KDM6A: variants seen among roughly 807,000 people sequenced by gnomAD.
KDM6A encodes lysine-specific demethylase 6A.
In KDM6A, 11 loss-of-function variants were observed where a neutral mutation model predicts 117.6. That is an observed-to-expected ratio of 0.09 (90% CI 0.06 to 0.15). KDM6A has a LOEUF of 0.15. Ranked by LOEUF, KDM6A falls within the 10% of genes least tolerant of loss-of-function variation. KDM6A has a pLI of 1.00. For synonymous variants in KDM6A, 384 were observed against 396.1 expected (o/e 0.97, Z 0.36); for missense variants, 799 against 1,077.3 (o/e 0.74, Z 3.62).
At chrX:45,012,624 A>T in intron 5 of KDM6A, among the ~76,000 whole-genome samples, 1 of 111,131 alleles carries the variant, frequency 9.0e-6, no homozygotes, top group East Asian at 2.8e-4. Context: ...AAATGTTACA[A>T]CTCTGTCATA....
In KDM6A at chrX:45,112,432, C is replaced by T. The variant is rs1376345280; in HGVS notation, c.*1021C>T. On this transcript the variant is annotated 3_prime_UTR_variant, in exon 30 of 30. Coordinates refer to ENST00000611820, the MANE Select transcript of KDM6A (RefSeq NM_001291415.2). ...TAAATTTTTCTCGTTTTAAGTTTCA[C>T]ATCTATGGTAGATTTTTGAGGTGTC... The T allele has an allele frequency of 1.5e-5, 2 of 135,847 alleles. No homozygotes were observed. The highest frequency in any genetic ancestry group is 1.2e-4 in the East Asian group (1 of 8,256). 11.2% of individuals were successfully genotyped at this position (135,847 alleles called of 1,213,427 possible).
At chrX:45,058,741 T>C (rs1259860060) in intron 10 of KDM6A, among the ~76,000 whole-genome samples, 1 of 111,090 alleles carries the variant, frequency 9.0e-6, no homozygotes, top group Non-Finnish European at 1.9e-5. Flanking sequence ...TGAAGTGATA[T>C]GTCCCCTAAT....
rs751281208 is a variant in KDM6A, at chrX:45,040,371, G to A, written c.654+2682G>A. Among the ~76,000 whole-genome samples the A allele has an allele frequency of 6.5e-5, 6 of 91,854 alleles. No individual in the cohort carries two copies. In the South Asian group the frequency reaches 3.0e-3, roughly 46 times the overall value. 79.8% of individuals were successfully genotyped at this position (91,854 alleles called of 115,157 possible). On this transcript the variant is annotated intron_variant, in intron 8 of 29. Transcript: ENST00000611820. ...CGGGCAGAGGCCCCCCTCACCTCCC[G>A]GACAGGGCGGCTGGCCAGGCGGGGG...
At position 45,069,768 on chromosome X, in the gene KDM6A, A is replaced by G. The variant is rs2148039825; in HGVS notation, c.2269A>G (p.Thr757Ala). 2.5e-6 allele frequency: 3 copies of G among 1,210,263 alleles called. No homozygotes were observed. Among genetic ancestry groups the G allele is most frequent in the Non-Finnish European group, 3.4e-6 (3 of 894,664 alleles). ...CAATCACCTCTCCTCTCACACTGCT[A>G]CCTCAGGTGGACAACAAGGCATTAC... ...ALNHLSSHTA[T>A]SGGQQGITLT... Residue 757 changes from threonine to alanine, a missense_variant, in exon 18 of 30, where the codon ACC becomes GCC. Thr to Ala is a moderately conservative substitution (Grantham distance 58). Transcript: ENST00000611820.
At chrX:45,007,197 C>T (rs989287422) in intron 4 of KDM6A, among the ~76,000 whole-genome samples, 9 of 111,567 alleles carry the variant, frequency 8.1e-5, no homozygotes, top group African/African-American at 1.6e-4. Context: ...GTTTTAAGAA[C>T]GCCAAAGCTT....
At chrX:45,035,025 C>T (rs751075354) in intron 7 of KDM6A, 40 bp downstream of exon 7, 5 of 971,139 alleles carry the variant, frequency 5.1e-6, no homozygotes, top group South Asian at 1.9e-5. Flanking sequence ...ACATGTATTC[C>T]GATCACTTCA....
intron 8 of KDM6A, 52 bp downstream of exon 8, chrX:45,037,741 C>A (rs2147795379): frequency 1.1e-6 from 1 of 926,134 alleles, no homozygotes; most frequent in Non-Finnish European, 1.6e-6. Context: ...AAAATCATTA[C>A]TCCTATCATG....
At chrX:45,056,394 A>G (rs748646608) in intron 10 of KDM6A, among the ~76,000 whole-genome samples, 35 of 112,065 alleles carry the variant, frequency 3.1e-4, no homozygotes, top group Non-Finnish European at 6.0e-4. Flanking sequence ...TAGGATTTCT[A>G]TTAACCTCTG....
At chrX:44,920,295 C>T (rs865860936) in intron 2 of KDM6A, among the ~76,000 whole-genome samples, 25 of 111,286 alleles carry the variant, frequency 2.2e-4, no homozygotes, top group African/African-American at 7.5e-4. Context: ...TTTATTATAG[C>T]CTCTTGATGG....
chrX:45,061,107 T>G (rs1269064129), intron 14 of KDM6A, among the ~76,000 whole-genome samples: 1 of 111,099 alleles, frequency 9.0e-6, no homozygotes, highest in Non-Finnish European at 1.9e-5. Context: ...GGGTGGGCCT[T>G]TTTGGGTGGC....
chrX:44,922,530 G>A (rs970960228), intron 2 of KDM6A, among the ~76,000 whole-genome samples: 3 of 111,679 alleles, frequency 2.7e-5, no homozygotes, highest in Admixed American at 9.5e-5. Context: ...GTGCAGTGGC[G>A]TGATCTCGGC....
At chrX:45,007,180 C>T (rs1272349241) in intron 4 of KDM6A, among the ~76,000 whole-genome samples, 2 of 111,377 alleles carry the variant, frequency 1.8e-5, no homozygotes, top group East Asian at 2.8e-4. Flanking sequence ...CTGCTTATTA[C>T]GAGTATGTTT....
rs1447445184 is a variant in KDM6A, at chrX:45,112,350, G to A, written c.*939G>A. The A allele has an allele frequency of 7.9e-6, 1 of 126,935 alleles. No homozygotes were observed. Among genetic ancestry groups the A allele is most frequent in the Non-Finnish European group, 1.6e-5 (1 of 63,209 alleles). The allele number at this position is 126,935 out of a possible 1,213,427, so 10.5% of individuals were successfully genotyped here. On this transcript the variant is annotated 3_prime_UTR_variant, in exon 30 of 30. Coordinates refer to ENST00000611820, the MANE Select transcript of KDM6A (RefSeq NM_001291415.2). ...TTATATATATTTTATATATACTTATGTATGTATATATAATATATATAGAAA... is the reference window on the plus strand; with the variant it reads ...TTATATATATTTTATATATACTTATATATGTATATATAATATATATAGAAA...
At position 45,107,626 on chromosome X, in the gene KDM6A, AC is replaced by A. The variant is rs2046579610; in HGVS notation, c.4161+91del. On this transcript the variant is annotated intron_variant, in intron 28 of 29. Transcript: ENST00000611820. ...CTTTATTTTTAAAAAACTTTTTTATACTTTTATGTAATCCAGTTTATAGTAA... is the reference window on the plus strand; with the variant it reads ...CTTTATTTTTAAAAAACTTTTTTATATTTTATGTAATCCAGTTTATAGTAA... The A allele has an allele frequency of 2.1e-5, 19 of 917,532 alleles. No homozygotes were observed. In the South Asian group the frequency reaches 3.8e-4, roughly 18 times the overall value. 75.6% of individuals were successfully genotyped at this position (917,532 alleles called of 1,213,427 possible). A position where few individuals can be genotyped will look rare whatever the true frequency, so the allele number is the denominator to read the frequency against.
intron 6 of KDM6A, among the ~76,000 whole-genome samples, chrX:45,022,217 T>C (rs1382001784): frequency 1.8e-5 from 2 of 112,247 alleles, no homozygotes; most frequent in Non-Finnish European, 3.8e-5. Flanking sequence ...TAAATGAAAG[T>C]GGCGATATTT....
intron 27 of KDM6A, among the ~76,000 whole-genome samples, chrX:45,098,699 T>G (rs954660050): frequency 4.5e-5 from 5 of 112,199 alleles, no homozygotes; most frequent in African/African-American, 1.6e-4. Context: ...AGCTGGCTGA[T>G]AGGCAATCAC....
intron 4 of KDM6A, among the ~76,000 whole-genome samples, chrX:44,981,285 A>T (rs2039893721): frequency 8.9e-6 from 1 of 111,968 alleles, no homozygotes; most frequent in East Asian, 2.8e-4. Context: ...TGGCTATATA[A>T]ATCGGGGTTC....
intron 6 of KDM6A, among the ~76,000 whole-genome samples, chrX:45,034,161 T>C (rs1262542413): frequency 9.0e-6 from 1 of 111,633 alleles, no homozygotes; most frequent in Non-Finnish European, 1.9e-5. Context: ...CTATTACTTA[T>C]CTTAATTTAT....
At chrX:44,899,924 C>A (rs57775268) in intron 2 of KDM6A, among the ~76,000 whole-genome samples, 18,720 of 111,262 alleles carry the variant, frequency 0.17, 2,285 homozygotes, top group African/African-American at 0.43. Context: ...AACATATCCT[C>A]ATTTTAAAGC....
Sources: allele counts gnomAD v4.1 joint callset (sites outside exome capture counted in the v4.1 genomes callset), GRCh38; gene constraint gnomAD v4.1.1; transcripts MANE v1.5; gene names NCBI Gene and HGNC (gene_info 2026-07-23, HGNC 2026-07-21).